PDE1A: variants seen among roughly 807,000 people sequenced by gnomAD.
PDE1A encodes dual specificity calcium/calmodulin-dependent 3',5'-cyclic nucleotide phosphodiesterase 1A.
In PDE1A, 35 loss-of-function variants were observed where a neutral mutation model predicts 61.7. That is an observed-to-expected ratio of 0.57 (90% CI 0.43 to 0.75). The LOEUF (loss-of-function observed/expected upper bound fraction) is 0.75. PDE1A is among the 30% of genes least tolerant of loss of function. PDE1A has a pLI of 0.00. For synonymous variants in PDE1A, 232 were observed against 213.2 expected (o/e 1.09, Z -0.77); for missense variants, 597 against 630.6 (o/e 0.95, Z 0.57).
chr2:182,572,223 T>C, the PDE1A span, among the ~76,000 whole-genome samples: 4 of 152,146 alleles, frequency 2.6e-5, no homozygotes, highest in Admixed American at 1.3e-4. Flanking sequence ...CCATTTTGCA[T>C]GAACTGGTGA....
the PDE1A span, among the ~76,000 whole-genome samples, chr2:182,638,543 A>C: frequency 6.6e-6 from 1 of 152,178 alleles, no homozygotes; most frequent in East Asian, 1.9e-4. Flanking sequence ...CTCAAAAAAA[A>C]TGAAAAAAAC....
At chr2:182,462,656 G>A (rs1686384149) in intron 2 of PDE1A, among the ~76,000 whole-genome samples, 1 of 151,800 alleles carries the variant, frequency 6.6e-6, no homozygotes, top group African/African-American at 2.4e-5. Flanking sequence ...GAAGGATAAG[G>A]GAAAAAAAAG....
At chr2:182,627,208 TATAAAATATAAATA>T in the PDE1A span, among the ~76,000 whole-genome samples, 1 of 71,412 alleles carries the variant, frequency 1.4e-5, no homozygotes, top group South Asian at 4.5e-4. Flanking sequence ...ATTATTTATA[TATAAAATATAAATA>T]ATATATTATT....
intron 1 of PDE1A, among the ~76,000 whole-genome samples, chr2:182,388,930 C>G (rs1409248605): frequency 3.9e-5 from 6 of 151,932 alleles, no homozygotes; most frequent in African/African-American, 1.2e-4. Context: ...AGAGAAAACT[C>G]AAATAAAAAC....
chr2:182,230,860 G>C (rs557877539), intron 5 of PDE1A, among the ~76,000 whole-genome samples, 155 bp downstream of exon 5: 1 of 152,164 alleles, frequency 6.6e-6, no homozygotes, highest in Admixed American at 6.5e-5. Context: ...GTGGAGAATG[G>C]TTCTATCATA....
chr2:182,181,737 T>G (rs1197458314), intron 13 of PDE1A, among the ~76,000 whole-genome samples: 1 of 152,144 alleles, frequency 6.6e-6, no homozygotes, highest in Non-Finnish European at 1.5e-5. Flanking sequence ...AGCCCCTGAC[T>G]GGAGCTGCTG....
At chr2:182,627,417 A>G in the PDE1A span, among the ~76,000 whole-genome samples, 2 of 102,446 alleles carry the variant, frequency 2.0e-5, no homozygotes, top group Admixed American at 1.7e-4. Flanking sequence ...ATATAAATAT[A>G]TATTATATTT....
the PDE1A span, among the ~76,000 whole-genome samples, chr2:182,571,380 A>C: frequency 3.9e-5 from 6 of 152,158 alleles, no homozygotes; most frequent in Admixed American, 3.9e-4. Flanking sequence ...GACAAAGAGA[A>C]TTTCAAGAAA....
chr2:182,338,246 G>A lies in PDE1A; in HGVS notation c.54-73832C>T, dbSNP rs564931332. ...CTCTAACACCCAGTAACTGTTTGAT[G>A]TGGAATTACATAAGCCATCTTTGGG... On this transcript the variant is annotated intron_variant, in intron 1 of 13. Transcript: ENST00000351439. Among the ~76,000 whole-genome samples, 8 of 152,272 alleles carry A rather than the reference G, an allele frequency of 5.3e-5. No individual in the cohort carries two copies. In the East Asian group the frequency reaches 1.5e-3, roughly 29 times the overall value.
In PDE1A at chr2:182,180,770, G is replaced by A. The variant is rs565451003; in HGVS notation, c.1516+5122C>T. Reference sequence around the variant, plus strand: ...TTCACATAGTCCCACATTTCTCGGAGGTTTTGTTCATTCCTTTTCATTATT... The same window carrying A: ...TTCACATAGTCCCACATTTCTCGGAAGTTTTGTTCATTCCTTTTCATTATT... On this transcript the variant is annotated intron_variant, in intron 13 of 13. Coordinates refer to ENST00000351439, the Ensembl canonical transcript of PDE1A. Among the ~76,000 whole-genome samples the A allele has an allele frequency of 5.9e-5, 9 of 151,608 alleles. No individual in the cohort carries two copies. In the South Asian group the frequency reaches 1.9e-3, roughly 32 times the overall value.
At chr2:182,660,700 C>T in the PDE1A span, among the ~76,000 whole-genome samples, 3 of 152,288 alleles carry the variant, frequency 2.0e-5, no homozygotes, top group South Asian at 6.2e-4. Context: ...GGTGCCCAGA[C>T]AACAGCTAGA....
chr2:182,289,912 G>A (rs1475659577), intron 1 of PDE1A, among the ~76,000 whole-genome samples: 2 of 151,978 alleles, frequency 1.3e-5, no homozygotes, highest in African/African-American at 2.4e-5. Context: ...GACAGACTCA[G>A]CTATGTATGG....
At chr2:182,396,054 C>T (rs1701687316) in intron 1 of PDE1A, among the ~76,000 whole-genome samples, 1 of 152,214 alleles carries the variant, frequency 6.6e-6, no homozygotes, top group African/African-American at 2.4e-5. Context: ...CCTGAAGGCA[C>T]AAGTAAGTTA....
chr2:182,524,514 C>T (rs1690737366), upstream of PDE1A, among the ~76,000 whole-genome samples: 1 of 152,056 alleles, frequency 6.6e-6, no homozygotes, highest in Non-Finnish European at 1.5e-5. Flanking sequence ...TTCTATCACA[C>T]ATTGATATTT....
At chr2:182,691,667 AT>A in the PDE1A span, among the ~76,000 whole-genome samples, 3 of 152,222 alleles carry the variant, frequency 2.0e-5, no homozygotes, top group Non-Finnish European at 4.4e-5. Context: ...AACAAAAGCC[AT>A]AATTGACAAA....
At chr2:182,299,228 G>GGCCTCC (rs1695076671) in intron 1 of PDE1A, among the ~76,000 whole-genome samples, 1 of 151,648 alleles carries the variant, frequency 6.6e-6, no homozygotes, top group African/African-American at 2.4e-5. Context: ...AATAAATGGA[G>GGCCTCC]GCCTGGCCCA....
intron 2 of PDE1A, among the ~76,000 whole-genome samples, chr2:182,461,470 G>C (rs1273661962): frequency 1.3e-5 from 2 of 151,974 alleles, no homozygotes; most frequent in African/African-American, 4.8e-5. Context: ...TCCCATATAA[G>C]GTATCCAAGA....
At chr2:182,303,913 T>TTTG (rs374940983) in intron 1 of PDE1A, among the ~76,000 whole-genome samples, 38,692 of 151,550 alleles carry the variant, frequency 0.26, 4,925 homozygotes, top group Middle Eastern at 0.32. Flanking sequence ...TTGTTTGTTT[T>TTTG]TTTGTTGAGA....
intron 1 of PDE1A, among the ~76,000 whole-genome samples, chr2:182,272,287 T>C (rs540324416): frequency 1.7e-4 from 26 of 152,174 alleles, no homozygotes; most frequent in Non-Finnish European, 3.2e-4. Context: ...CTCAGGGCCT[T>C]GCACTTGGGA....
Sources: gnomAD v4.1 joint callset for allele counts (sites outside exome capture counted in the v4.1 genomes callset) on GRCh38, gnomAD v4.1.1 for gene constraint, MANE v1.5 for transcripts, NCBI Gene and HGNC (gene_info 2026-07-23, HGNC 2026-07-21) for gene names.